Variants in ZNF638 observed in about 807,000 individuals in gnomAD.
ZNF638 encodes zinc finger protein 638.
In ZNF638, 46 loss-of-function variants were observed where a neutral mutation model predicts 195.6. The observed-to-expected ratio is 0.24, with a 90% CI of 0.19 to 0.30. The LOEUF (loss-of-function observed/expected upper bound fraction) is 0.30. ZNF638 is among the 10% of genes least tolerant of loss of function. ZNF638 has a pLI of 1.00. For synonymous variants in ZNF638, 845 were observed against 772.0 expected (o/e 1.09, Z -1.57); for missense variants, 2,440 against 2,325.3 (o/e 1.05, Z -1.01).
chr2:71,375,436 G>C (rs1383492663), intron 8 of ZNF638: 1 of 152,104 alleles, frequency 6.6e-6, no homozygotes, highest in African/African-American at 2.4e-5. Flanking sequence ...GATGGTTTCT[G>C]CACCTTCTGG....
At chr2:71,388,403 C>T (rs1046270505) in intron 10 of ZNF638, 1 of 661,508 alleles carries the variant, frequency 1.5e-6, no homozygotes, top group African/African-American at 1.8e-5. Flanking sequence ...CTTTGATCAT[C>T]CGCGTGCAGG....
At chr2:71,410,249 A>G (rs745526120) in intron 20 of ZNF638, among the ~76,000 whole-genome samples, 1 of 152,216 alleles carries the variant, frequency 6.6e-6, no homozygotes, top group Non-Finnish European at 1.5e-5. Flanking sequence ...TGGTTCAATC[A>G]TGGCCCACAT....
At chr2:71,418,218 G>A (rs1007734774) in intron 20 of ZNF638, 2 of 158,948 alleles carry the variant, frequency 1.3e-5, no homozygotes, top group African/African-American at 2.4e-5. Context: ...TTTTGAATAG[G>A]AAACTTTTTT....
intron 3 of ZNF638, among the ~76,000 whole-genome samples, chr2:71,359,710 A>G (rs1359552321): frequency 1.3e-5 from 2 of 152,204 alleles, no homozygotes; most frequent in African/African-American, 2.4e-5. Flanking sequence ...AATTTAATAA[A>G]TAGATTTGGT....
At chr2:71,428,873 C>G (rs1028358868) in intron 25 of ZNF638, 1 of 356,724 alleles carries the variant, frequency 2.8e-6, no homozygotes, top group South Asian at 8.3e-5. Flanking sequence ...AAATGATCCT[C>G]GAAAGGTTTT....
intron 6 of ZNF638, 31 bp downstream of exon 6, chr2:71,365,737 G>T: frequency 1.2e-5 from 18 of 1,546,994 alleles, no homozygotes; most frequent in Admixed American, 1.9e-5. Context: ...TATTTTTAGA[G>T]ATAAGGTTTC....
chr2:71,422,009 AGC>A (rs747451666), intron 21 of ZNF638, among the ~76,000 whole-genome samples: 8 of 152,210 alleles, frequency 5.3e-5, no homozygotes, highest in Non-Finnish European at 5.9e-5. Context: ...ACATATACTT[AGC>A]CATGTATTTC....
chr2:71,385,054 T>C (rs2079609627), intron 10 of ZNF638, among the ~76,000 whole-genome samples: 2 of 151,904 alleles, frequency 1.3e-5, no homozygotes, highest in African/African-American at 4.8e-5. Flanking sequence ...TGAGAAAAGG[T>C]GGGGGAACAG....
intron 1 of ZNF638, among the ~76,000 whole-genome samples, chr2:71,347,859 T>C (rs1558831932): frequency 6.6e-6 from 1 of 152,214 alleles, no homozygotes; most frequent in Admixed American, 6.5e-5. Flanking sequence ...CCAGATAACC[T>C]TGAATACAAA....
intron 1 of ZNF638, among the ~76,000 whole-genome samples, chr2:71,333,912 T>A (rs1558822360): frequency 6.6e-6 from 1 of 152,352 alleles, no homozygotes; most frequent in South Asian, 2.1e-4. Context: ...TTGAAGTGCT[T>A]AGGCAGCATT....
chr2:71,369,906 A>C lies in ZNF638; in HGVS notation c.2166A>C (p.Lys722Asn), dbSNP rs753769583. The part of the protein sequence containing the change: ...RKEAYLEMEF[K>N]EAITAIMKYI... ...AGGCTTACCTAGAAATGGAATTTAA[A>C]GAGGCAATTACTGCAATTATGAAGT... The change falls in exon 8 of 28, where the codon AAA (lysine) becomes AAC (asparagine). Residue 722 changes from lysine (K) to asparagine (N), a missense_variant. Transcript: ENST00000264447. The C allele has an allele frequency of 1.9e-6, 3 of 1,586,822 alleles. No individual in the cohort carries two copies. Among genetic ancestry groups the C allele is most frequent in the Non-Finnish European group, 1.7e-6 (2 of 1,171,624 alleles).
At chr2:71,352,047 T>TAAA (rs953433070) in intron 2 of ZNF638, among the ~76,000 whole-genome samples, 44 of 152,364 alleles carry the variant, frequency 2.9e-4, no homozygotes, top group African/African-American at 1.1e-3. Context: ...AAGACTTTTA[T>TAAA]AGCCTAGTTA....
chr2:71,362,491 A>G (rs949213986), intron 3 of ZNF638, among the ~76,000 whole-genome samples: 5 of 152,006 alleles, frequency 3.3e-5, no homozygotes, highest in Middle Eastern at 3.4e-3. Context: ...GCTCTTCGTA[A>G]TTTGTCTCTA....
intron 11 of ZNF638, among the ~76,000 whole-genome samples, chr2:71,397,807 C>A (rs1307347021): frequency 3.3e-5 from 5 of 152,162 alleles, no homozygotes; most frequent in Admixed American, 3.3e-4. Flanking sequence ...TCTTTATAAA[C>A]AGTATCATCT....
intron 10 of ZNF638, among the ~76,000 whole-genome samples, chr2:71,389,450 G>C (rs1341844552): frequency 7.2e-5 from 11 of 152,152 alleles, no homozygotes. Context: ...CCATGGGACT[G>C]GTCAGTGCTA....
At chr2:71,360,001 T>C (rs975361554) in intron 3 of ZNF638, among the ~76,000 whole-genome samples, 3 of 152,226 alleles carry the variant, frequency 2.0e-5, no homozygotes, top group African/African-American at 7.2e-5. Flanking sequence ...CAAAACCATC[T>C]ACGAGGTGTT....
At chr2:71,373,156 A>G (rs1254795580) in intron 8 of ZNF638, among the ~76,000 whole-genome samples, 1 of 152,208 alleles carries the variant, frequency 6.6e-6, no homozygotes, top group African/African-American at 2.4e-5. Context: ...TAATTTCTTC[A>G]GCTTTAAAAA....
intron 20 of ZNF638, 52 bp from the exon 21 acceptor site, chr2:71,418,550 A>G (rs1404483262): frequency 7.9e-7 from 1 of 1,270,818 alleles, no homozygotes; most frequent in Non-Finnish European, 1.1e-6. Context: ...TTATAGTTAA[A>G]TATTTCAAAT....
intron 10 of ZNF638, among the ~76,000 whole-genome samples, chr2:71,391,267 G>A (rs555630716): frequency 3.9e-5 from 6 of 152,286 alleles, no homozygotes; most frequent in Middle Eastern, 3.4e-3. Flanking sequence ...GCCTATAGTC[G>A]ATATTGACTT....
Sources: gnomAD v4.1 joint callset for allele counts (sites outside exome capture counted in the v4.1 genomes callset) on GRCh38, gnomAD v4.1.1 for gene constraint, MANE v1.5 for transcripts, NCBI Gene and HGNC (gene_info 2026-07-23, HGNC 2026-07-21) for gene names.